Variants in CHKA observed in about 807,000 individuals in gnomAD.
CHKA encodes choline kinase alpha, also known as CHETK-alpha.
CHKA carries 34 observed loss-of-function variants against 60.1 expected under a neutral mutation model. That is an observed-to-expected ratio of 0.57 (90% CI 0.43 to 0.75). The LOEUF (loss-of-function observed/expected upper bound fraction) is 0.75. Ranked by LOEUF, CHKA falls within the 30% of genes least tolerant of loss-of-function variation. The probability of loss-of-function intolerance (pLI) is 0.00; values close to 1 mark genes in which losing one functional copy is unlikely to be tolerated. For missense variants in CHKA, 563 were observed against 561.3 expected (o/e 1.00, Z -0.03); for synonymous variants, 217 against 223.1 (o/e 0.97, Z 0.24).
At chr11:68,070,592 A>G (rs1273888162) in intron 5 of CHKA, 132 bp downstream of exon 5, 1 of 937,030 alleles carries the variant, frequency 1.1e-6, no homozygotes, top group African/African-American at 1.7e-5. Context: ...GACAAGTATC[A>G]CCAGCTGACA....
Position 68,074,666 on chromosome 11 carries a change from C to A in CHKA, c.630+51G>T, listed in dbSNP as rs1162054861. 2.0e-6 allele frequency: 3 copies of A among 1,504,428 alleles called. No individual in the cohort carries two copies. The African/African-American group carries it at 4.1e-5, about 21-fold the overall frequency. The allele number at this position is 1,504,428 out of a possible 1,614,324, so 93.2% of individuals were successfully genotyped here. On this transcript the variant is annotated intron_variant, in intron 4 of 11. Coordinates refer to ENST00000265689, the MANE Select transcript of CHKA (RefSeq NM_001277.3). ...TCTTGCAGCAATGAGACAAAGAAGC[C>A]ATCTTCTGTCTGTGGCATATGTCAA...
At chr11:68,080,183 G>A (rs1465675751) in intron 3 of CHKA, among the ~76,000 whole-genome samples, 1 of 152,116 alleles carries the variant, frequency 6.6e-6, no homozygotes, top group Non-Finnish European at 1.5e-5. Flanking sequence ...TCCCACCCAA[G>A]GACTTCCCAG....
At chr11:68,080,807 G>A (rs527304687) in intron 3 of CHKA, among the ~76,000 whole-genome samples, 2 of 152,318 alleles carry the variant, frequency 1.3e-5, no homozygotes, top group South Asian at 4.1e-4. Context: ...TGCTTACGCT[G>A]GGGCATGCAG....
intron 11 of CHKA, among the ~76,000 whole-genome samples, chr11:68,056,187 A>T (rs867145615): frequency 8.5e-5 from 13 of 152,168 alleles, no homozygotes; most frequent in African/African-American, 2.9e-4. Flanking sequence ...CATTTTCTCC[A>T]TGATATCGTT....
chr11:68,083,520 C>T (rs1040083569), intron 2 of CHKA, among the ~76,000 whole-genome samples: 1 of 152,192 alleles, frequency 6.6e-6, no homozygotes, highest in Admixed American at 6.5e-5. Flanking sequence ...GCTGTTGTTA[C>T]TCTAACTGTA....
At chr11:68,073,149 C>T (rs1856678262) in intron 4 of CHKA, among the ~76,000 whole-genome samples, 1 of 152,160 alleles carries the variant, frequency 6.6e-6, no homozygotes, top group African/African-American at 2.4e-5. Context: ...ATTGTGTTAA[C>T]ACAATTCCCT....
intron 2 of CHKA, among the ~76,000 whole-genome samples, chr11:68,094,788 G>GT (rs1386688041): frequency 3.3e-5 from 5 of 152,136 alleles, no homozygotes; most frequent in Admixed American, 2.0e-4. Context: ...AAGTGCACAC[G>GT]TGTGTGGAAT....
intron 11 of CHKA, among the ~76,000 whole-genome samples, chr11:68,054,610 G>T (rs1855936651): frequency 6.6e-6 from 1 of 152,174 alleles, no homozygotes; most frequent in Non-Finnish European, 1.5e-5. Context: ...CAATCTCAAA[G>T]ACCCACTCCT....
At chr11:68,087,184 GATAAT>G (rs992389491) in intron 2 of CHKA, among the ~76,000 whole-genome samples, 10 of 102,118 alleles carry the variant, frequency 9.8e-5, no homozygotes, top group African/African-American at 3.3e-4. Flanking sequence ...ATCAATTATG[GATAAT>G]ATAATATGAG....
chr11:68,082,146 A>G (rs1236439380), intron 2 of CHKA: 2 of 152,038 alleles, frequency 1.3e-5, no homozygotes, highest in African/African-American at 2.4e-5. Flanking sequence ...TTGCAAATTT[A>G]TGATAACCAG....
In CHKA at chr11:68,084,311, CATGTGTATATATATACACATATACGT is replaced by C. The variant is rs1565183050; in HGVS notation, c.463-2880_463-2855del. ...ATATATATACGTATATGTGTATATA[CATGTGTATATATATACACATATACGT>C]ATATATATGTGTATATATATATACA... On this transcript the variant is annotated intron_variant, in intron 2 of 11. Coordinates refer to ENST00000265689, the MANE Select transcript of CHKA (RefSeq NM_001277.3). 3.9e-4 allele frequency among the ~76,000 whole-genome samples: 53 copies of C among 135,964 alleles called. No homozygotes were observed. In the South Asian group the frequency reaches 0.012, roughly 31 times the overall value. The allele number at this position is 135,964 out of a possible 152,430, so 89.2% of individuals were successfully genotyped here.
intron 1 of CHKA, among the ~76,000 whole-genome samples, chr11:68,117,312 A>G (rs1431262713): frequency 6.6e-6 from 1 of 152,242 alleles, no homozygotes; most frequent in Non-Finnish European, 1.5e-5. Context: ...TGCAGGCTCC[A>G]GTGTAACTAG....
intron 3 of CHKA, among the ~76,000 whole-genome samples, chr11:68,078,603 C>G (rs1856867461): frequency 6.6e-6 from 1 of 152,088 alleles, no homozygotes; most frequent in African/African-American, 2.4e-5. Context: ...ATTTAAAACC[C>G]AGGAAGAAGA....
chr11:68,105,514 CAAAAAAAAAAAAAAAAA>C (rs1170085830), intron 1 of CHKA, among the ~76,000 whole-genome samples: 1 of 64,952 alleles, frequency 1.5e-5, no homozygotes, highest in Admixed American at 2.3e-4. Context: ...GACTCCATCT[CAAAAAAAAAAAAAAAAA>C]AAAAAAAAAG....
At chr11:68,068,847 C>A (rs971171675) in intron 7 of CHKA, 32 bp downstream of exon 7, 6 of 1,530,470 alleles carry the variant, frequency 3.9e-6, no homozygotes, top group Non-Finnish European at 5.4e-6. Context: ...TGCACACAAA[C>A]CTCATCTGTA....
intron 2 of CHKA, among the ~76,000 whole-genome samples, chr11:68,083,601 C>T (rs532960868): frequency 4.0e-4 from 61 of 152,182 alleles, no homozygotes; most frequent in Non-Finnish European, 7.2e-4. Context: ...TAATGGCGCT[C>T]GCAAAAGCAA....
At chr11:68,105,806 G>A (rs144611743) in intron 1 of CHKA, among the ~76,000 whole-genome samples, 164 of 152,276 alleles carry the variant, frequency 1.1e-3, no homozygotes, top group African/African-American at 3.9e-3. Flanking sequence ...GCCACTGAAA[G>A]CTCCGCAAAC....
At chr11:68,085,125 T>C (rs1857139193) in intron 2 of CHKA, among the ~76,000 whole-genome samples, 1 of 152,160 alleles carries the variant, frequency 6.6e-6, no homozygotes, top group Non-Finnish European at 1.5e-5. Flanking sequence ...GAGTCATATA[T>C]TCATTAGCCT....
At chr11:68,085,171 A>G (rs1369921807) in intron 2 of CHKA, among the ~76,000 whole-genome samples, 1 of 152,156 alleles carries the variant, frequency 6.6e-6, no homozygotes, top group Admixed American at 6.5e-5. Flanking sequence ...CAGTGACAGC[A>G]TTAATAAAGG....
Sources: gnomAD v4.1 joint callset for allele counts (sites outside exome capture counted in the v4.1 genomes callset) on GRCh38, gnomAD v4.1.1 for gene constraint, MANE v1.5 for transcripts, NCBI Gene and HGNC (gene_info 2026-07-23, HGNC 2026-07-21) for gene names.